SEMA3A: variants seen among roughly 807,000 people sequenced by gnomAD.
SEMA3A encodes semaphorin-3A.
Under a neutral mutation model 97.9 loss-of-function variants are expected in SEMA3A, and 29 were observed. The ratio of observed to expected loss-of-function variants is 0.30; its 90% CI spans 0.22 to 0.40. SEMA3A has a LOEUF of 0.40. Among genes scored for constraint, SEMA3A ranks in the 10% least tolerant of loss-of-function variants. SEMA3A has a pLI of 1.00. For missense variants in SEMA3A, 763 were observed against 951.3 expected, an observed-to-expected ratio of 0.80 and a Z score of 2.60; for synonymous variants, 321 against 323.7, an observed-to-expected ratio of 0.99 and a Z score of 0.09.
chr7:84,344,431 A>G (rs1802245652), intron 2 of SEMA3A, among the ~76,000 whole-genome samples: 1 of 152,208 alleles, frequency 6.6e-6, no homozygotes, highest in Admixed American at 6.5e-5. Flanking sequence ...TGGGAGCGGT[A>G]TCCAGAGTGC....
chr7:84,416,376 C>T (rs948180698), intron 1 of SEMA3A, among the ~76,000 whole-genome samples: 1 of 152,112 alleles, frequency 6.6e-6, no homozygotes, highest in Non-Finnish European at 1.5e-5. Flanking sequence ...CCATGTGGAA[C>T]TGTAAGTCCA....
intron 3 of SEMA3A, among the ~76,000 whole-genome samples, chr7:84,219,131 C>G (rs919845550): frequency 3.9e-5 from 6 of 151,954 alleles, no homozygotes; most frequent in African/African-American, 1.4e-4. Context: ...ATAAAATAAA[C>G]CAGTGACAAA....
intron 1 of SEMA3A, among the ~76,000 whole-genome samples, chr7:84,175,719 GA>G (rs1308839495): frequency 1.5e-5 from 2 of 130,206 alleles, no homozygotes; most frequent in Non-Finnish European, 3.3e-5. Flanking sequence ...GTTATGGTTG[GA>G]AACCTACAGC....
chr7:84,224,705 T>C (rs780591292), intron 3 of SEMA3A, among the ~76,000 whole-genome samples: 1 of 152,034 alleles, frequency 6.6e-6, no homozygotes, highest in Non-Finnish European at 1.5e-5. Context: ...ATGAAATAAA[T>C]AGTATTTGTT....
intron 6 of SEMA3A, among the ~76,000 whole-genome samples, chr7:84,026,902 C>T (rs1306646245): frequency 6.6e-6 from 1 of 151,996 alleles, no homozygotes; most frequent in Non-Finnish European, 1.5e-5. Context: ...GGGTACTAGG[C>T]TCAATACCTG....
At chr7:84,358,241 G>A (rs1466573022) in intron 2 of SEMA3A, among the ~76,000 whole-genome samples, 1 of 152,086 alleles carries the variant, frequency 6.6e-6, no homozygotes, top group Non-Finnish European at 1.5e-5. Flanking sequence ...TATTGCCTAG[G>A]TTTTCTTCTA....
At chr7:84,444,907 A>G (rs1805369028) in intron 1 of SEMA3A, among the ~76,000 whole-genome samples, 1 of 152,064 alleles carries the variant, frequency 6.6e-6, no homozygotes, top group Non-Finnish European at 1.5e-5. Context: ...AACTTTTCAT[A>G]AAACATCAGT....
chr7:83,990,039 G>A (rs1789832362), intron 12 of SEMA3A, among the ~76,000 whole-genome samples: 1 of 151,784 alleles, frequency 6.6e-6, no homozygotes, highest in Admixed American at 6.6e-5. Flanking sequence ...ATCTCATTGT[G>A]GTTTTGATTT....
At chr7:84,243,705 T>C (rs1050098739) in intron 3 of SEMA3A, among the ~76,000 whole-genome samples, 14 of 151,404 alleles carry the variant, frequency 9.2e-5, no homozygotes, top group African/African-American at 3.1e-4. Context: ...TTTGAATTTG[T>C]GTTCTTGCTT....
At chr7:84,323,181 A>G (rs1226602831) in intron 2 of SEMA3A, among the ~76,000 whole-genome samples, 1 of 152,232 alleles carries the variant, frequency 6.6e-6, no homozygotes, top group East Asian at 1.9e-4. Context: ...CGTTCTCTGA[A>G]GATTAGCTAT....
chr7:84,245,323 C>CT (rs1404031616), intron 3 of SEMA3A, among the ~76,000 whole-genome samples: 2 of 151,980 alleles, frequency 1.3e-5, no homozygotes, highest in East Asian at 3.9e-4. Context: ...TGTCTTCACA[C>CT]TTTATTTCAT....
intron 3 of SEMA3A, among the ~76,000 whole-genome samples, chr7:84,242,324 CT>C (rs1356125985): frequency 6.6e-6 from 1 of 152,122 alleles, no homozygotes; most frequent in African/African-American, 2.4e-5. Flanking sequence ...GTTTGTAATT[CT>C]CCTTGAAAAG....
chr7:84,055,477 T>C lies in SEMA3A; in HGVS notation c.547+4988A>G, dbSNP rs1055180132. 2.0e-5 allele frequency among the ~76,000 whole-genome samples: 3 copies of C among 151,998 alleles called. No individual in the cohort carries two copies. In the East Asian group the frequency reaches 5.8e-4, roughly 29 times the overall value. On this transcript the variant is annotated intron_variant, in intron 5 of 16. Transcript: ENST00000265362. ...GAGTGACCCGATTTTCCAGGTGCCATCCGTCACCCCTTTCTTTGACTAGGA... is the reference window on the plus strand; with the variant it reads ...GAGTGACCCGATTTTCCAGGTGCCACCCGTCACCCCTTTCTTTGACTAGGA...
rs113398972 is a variant in SEMA3A, at chr7:84,249,301, G to C, written c.-82-54633C>G. Among the ~76,000 whole-genome samples, 5 of 152,108 alleles carry C rather than the reference G, an allele frequency of 3.3e-5. 1 individual carries two copies. Among genetic ancestry groups the C allele is most frequent in the African/African-American group, 1.2e-4 (5 of 41,522 alleles). On this transcript the variant is annotated intron_variant, in intron 3 of 3. Transcript: ENST00000424555. ...TTTTGAGAATAGCAATTGAGACCAA[G>C]ATGGAAAGGAAATTAGTAAGGAGGA... is the stretch of plus-strand genomic sequence containing the variant.
intron 3 of SEMA3A, among the ~76,000 whole-genome samples, chr7:84,304,029 G>T (rs1214891773): frequency 2.0e-5 from 3 of 152,002 alleles, no homozygotes; most frequent in Non-Finnish European, 2.9e-5. Context: ...CCATACCAAA[G>T]GTTCTTATTC....
chr7:84,424,218 A>G (rs1364732385), intron 1 of SEMA3A, among the ~76,000 whole-genome samples: 1 of 150,820 alleles, frequency 6.6e-6, no homozygotes. Context: ...ACAATTCACA[A>G]TTGCAAAGAT....
At chr7:84,083,728 G>T (rs1794238801) in intron 4 of SEMA3A, among the ~76,000 whole-genome samples, 1 of 151,846 alleles carries the variant, frequency 6.6e-6, no homozygotes, top group Non-Finnish European at 1.5e-5. Context: ...TAATAACCAT[G>T]ACTTTTAAGT....
intron 3 of SEMA3A, among the ~76,000 whole-genome samples, chr7:84,236,933 A>G (rs2116369975): frequency 6.6e-6 from 1 of 152,038 alleles, no homozygotes; most frequent in African/African-American, 2.4e-5. Flanking sequence ...AATTACCTGG[A>G]AAAAAAATGG....
chr7:84,241,068 A>C (rs905099798), intron 3 of SEMA3A, among the ~76,000 whole-genome samples: 7 of 152,164 alleles, frequency 4.6e-5, no homozygotes, highest in African/African-American at 1.7e-4. Flanking sequence ...ATAAACATAC[A>C]TGTGCTGGTG....
Sources: gnomAD v4.1 joint callset for allele counts (sites outside exome capture counted in the v4.1 genomes callset) on GRCh38, gnomAD v4.1.1 for gene constraint, MANE v1.5 for transcripts, NCBI Gene and HGNC (gene_info 2026-07-23, HGNC 2026-07-21) for gene names.